DLGAP1: variants seen among roughly 807,000 people sequenced by gnomAD.
DLGAP1 encodes DLG associated protein 1.
Under a neutral mutation model 90.8 loss-of-function variants are expected in DLGAP1, and 11 were observed. The ratio of observed to expected loss-of-function variants is 0.12; its 90% CI spans 0.08 to 0.20. The LOEUF (loss-of-function observed/expected upper bound fraction) is 0.20. DLGAP1 is among the 10% of genes least tolerant of loss of function. The probability of loss-of-function intolerance (pLI) is 1.00; values close to 1 mark genes in which losing one functional copy is unlikely to be tolerated. For missense variants in DLGAP1, 1,050 were observed against 1,333.8 expected, an observed-to-expected ratio of 0.79 and a Z score of 3.31; for synonymous variants, 558 against 540.7, an observed-to-expected ratio of 1.03 and a Z score of -0.44.
At chr18:3,787,424 T>C (rs1256375058) in intron 5 of DLGAP1, among the ~76,000 whole-genome samples, 2 of 132,314 alleles carry the variant, frequency 1.5e-5, no homozygotes, top group Non-Finnish European at 3.0e-5. Flanking sequence ...GAAGTTGCAG[T>C]GAGCCAAGAT....
chr18:4,130,346 C>T (rs994604096), intron 2 of DLGAP1, among the ~76,000 whole-genome samples: 1 of 152,014 alleles, frequency 6.6e-6, no homozygotes, highest in Non-Finnish European at 1.5e-5. Context: ...ACAGATAGTA[C>T]CTGGAATAGT....
chr18:3,513,875 A>T (rs2050679289), intron 10 of DLGAP1, among the ~76,000 whole-genome samples: 1 of 152,104 alleles, frequency 6.6e-6, no homozygotes, highest in South Asian at 2.1e-4. Context: ...ATTTTGAGAA[A>T]AGGAGGTAGT....
chr18:4,304,557 C>T (rs558520), intron 1 of DLGAP1, among the ~76,000 whole-genome samples: 110,838 of 152,174 alleles, frequency 0.73, 43,491 homozygotes, highest in East Asian at 0.91. Context: ...AGATTTTACA[C>T]ATTGTTAATA....
chr18:4,313,984 C>T (rs749882150), intron 1 of DLGAP1, among the ~76,000 whole-genome samples: 1 of 152,088 alleles, frequency 6.6e-6, no homozygotes, highest in Admixed American at 6.6e-5. Context: ...AGGATAAGCA[C>T]GGGAGTTTCA....
chr18:3,978,130 A>G, intron 3 of DLGAP1: 5 of 450,946 alleles, frequency 1.1e-5, no homozygotes, highest in South Asian at 6.5e-5. Flanking sequence ...ACGATTCCAA[A>G]GTTGTCATGG....
intron 1 of DLGAP1, among the ~76,000 whole-genome samples, chr18:4,186,022 T>C (rs1283708873): frequency 6.6e-6 from 1 of 152,206 alleles, no homozygotes; most frequent in African/African-American, 2.4e-5. Context: ...TTTGCATTTC[T>C]TTAATGATCA....
intron 2 of DLGAP1, among the ~76,000 whole-genome samples, chr18:4,081,597 A>G (rs2075609340): frequency 6.6e-6 from 1 of 152,174 alleles, no homozygotes; most frequent in African/African-American, 2.4e-5. Flanking sequence ...ATCTGCTTAT[A>G]GTCCAGACCT....
At chr18:3,826,402 G>A (rs1029824279) in intron 4 of DLGAP1, among the ~76,000 whole-genome samples, 2 of 152,226 alleles carry the variant, frequency 1.3e-5, no homozygotes, top group Non-Finnish European at 2.9e-5. Context: ...AGACTGTGTG[G>A]AGGAGAGGTG....
At position 3,879,687 on chromosome 18, in the gene DLGAP1, C is replaced by A. The variant is rs137860398; in HGVS notation, c.382G>T (p.Val128Leu). The change falls in exon 4 of 13, where the codon GTG (valine) becomes TTG (leucine). Residue 128 changes from valine (V) to leucine (L), a missense_variant. By Grantham distance (32) the Val-to-Leu change is conservative. Coordinates refer to ENST00000315677, the MANE Select transcript of DLGAP1 (RefSeq NM_004746.4). This position sits in a 1 kb window ranked among gnomAD's most constrained non-coding sequence, Gnocchi z 6.6. ...CCGGGGCTGTCGCTGCGGTGCTCCA[C>A]GGCCGTGCGCTTGTACTGCAGGGTG... is the stretch of plus-strand genomic sequence containing the variant. The part of the protein sequence containing the change: ...YHTLQYKRTA[V>L]EHRSDSPGRI... 1.9e-6 allele frequency: 3 copies of A among 1,607,312 alleles called. No individual in the cohort carries two copies. The highest frequency in any genetic ancestry group is 1.1e-5 in the South Asian group (1 of 91,038).
intron 2 of DLGAP1, among the ~76,000 whole-genome samples, chr18:4,031,633 T>C (rs1173202260): frequency 6.6e-6 from 1 of 152,154 alleles, no homozygotes; most frequent in Non-Finnish European, 1.5e-5. Context: ...TAATCTTCAG[T>C]AAGGTGCATG....
intron 1 of DLGAP1, among the ~76,000 whole-genome samples, chr18:4,231,584 C>T (rs1042670659): frequency 3.3e-5 from 5 of 152,136 alleles, no homozygotes; most frequent in Non-Finnish European, 7.4e-5. Flanking sequence ...TCTAGCCCTC[C>T]CTGGGGCTTG....
chr18:4,371,206 T>C (rs2081908994), intron 1 of DLGAP1, among the ~76,000 whole-genome samples: 1 of 152,214 alleles, frequency 6.6e-6, no homozygotes, highest in African/African-American at 2.4e-5. Context: ...GTTTATAGTC[T>C]AGCCAACAAA....
intron 7 of DLGAP1, among the ~76,000 whole-genome samples, chr18:3,634,365 A>G (rs73940064): frequency 0.031 from 4,744 of 152,262 alleles, 210 homozygotes; most frequent in East Asian, 0.16. Flanking sequence ...TTGCTATTCA[A>G]GTGAGATCCT....
intron 10 of DLGAP1, among the ~76,000 whole-genome samples, chr18:3,523,887 G>T (rs1206221783): frequency 6.6e-6 from 1 of 151,556 alleles, no homozygotes; most frequent in Non-Finnish European, 1.5e-5. Flanking sequence ...TTGACACAGG[G>T]TTTGAACAAG....
At chr18:4,283,706 C>T (rs1568489801) in intron 1 of DLGAP1, among the ~76,000 whole-genome samples, 1 of 152,142 alleles carries the variant, frequency 6.6e-6, no homozygotes, top group Non-Finnish European at 1.5e-5. Flanking sequence ...ACTAAACATG[C>T]TAATGAAGAT....
chr18:4,229,523 T>C (rs534337804), intron 1 of DLGAP1, among the ~76,000 whole-genome samples: 8 of 151,980 alleles, frequency 5.3e-5, no homozygotes, highest in Admixed American at 5.2e-4. Context: ...AACAAATTCA[T>C]ACATCGACAG....
chr18:4,127,019 A>G (rs369638987), intron 2 of DLGAP1, among the ~76,000 whole-genome samples: 11 of 152,332 alleles, frequency 7.2e-5, no homozygotes, highest in African/African-American at 2.4e-4. Flanking sequence ...TCAGATTTGC[A>G]TAATCATATT....
intron 4 of DLGAP1, among the ~76,000 whole-genome samples, chr18:3,849,336 T>C (rs753379560): frequency 6.6e-6 from 1 of 151,902 alleles, no homozygotes; most frequent in Non-Finnish European, 1.5e-5. Context: ...TAAGGTTGAG[T>C]CTCTTTGTTA....
At chr18:3,950,724 G>C (rs565013703) in intron 3 of DLGAP1, among the ~76,000 whole-genome samples, 8 of 152,300 alleles carry the variant, frequency 5.3e-5, no homozygotes, top group African/African-American at 1.9e-4. Context: ...TCTGAACGCT[G>C]CTTCCATTTA....
Sources: gnomAD v4.1 joint callset for allele counts (sites outside exome capture counted in the v4.1 genomes callset) on GRCh38, gnomAD v4.1.1 for gene constraint, Gnocchi (gnomAD v3.1) non-coding constraint, MANE v1.5 for transcripts, NCBI Gene and HGNC (gene_info 2026-07-23, HGNC 2026-07-21) for gene names.